Variants in ENOX1 observed in about 807,000 individuals in gnomAD.
ENOX1 encodes the protein ecto-NOX disulfide-thiol exchanger 1, also known as candidate growth-related and time keeping constitutive hydroquinone (NADH) oxidase.
Under a neutral mutation model 82.5 loss-of-function variants are expected in ENOX1, and 42 were observed. That is an observed-to-expected ratio of 0.51 (90% CI 0.40 to 0.66). ENOX1 has a LOEUF of 0.66. Ranked by LOEUF, ENOX1 falls within the 30% of genes least tolerant of loss-of-function variation. The probability of loss-of-function intolerance (pLI) is 0.00; values close to 1 mark genes in which losing one functional copy is unlikely to be tolerated. For synonymous variants in ENOX1, 271 were observed against 282.2 expected (o/e 0.96, Z 0.40); for missense variants, 608 against 811.6 (o/e 0.75, Z 3.05).
chr13:43,778,776 G>C (rs1157706886), intron 1 of ENOX1, among the ~76,000 whole-genome samples: 1 of 152,032 alleles, frequency 6.6e-6, no homozygotes, highest in Non-Finnish European at 1.5e-5. Flanking sequence ...TAAGATTATA[G>C]ATTATAGGCA....
In ENOX1 at chr13:43,344,581, G is replaced by A; in HGVS notation, c.993C>T (p.Ala331=). ...TTAAGGCATTTTTAAAATTCTCCTT[G>A]GCTTCCTCCATCTCTTGCTCATGGG... The part of the protein sequence containing the change: ...KATHEQEMEE[A]KENFKNALTG... The change falls in exon 9 of 17, where the codon GCC becomes GCT. Residue 331 remains alanine (A), a synonymous_variant. Transcript: ENST00000690772. The A allele has an allele frequency of 6.2e-7, 1 of 1,614,096 alleles. No homozygotes were observed. The highest frequency in any genetic ancestry group is 1.1e-5 in the South Asian group (1 of 91,066).
intron 8 of ENOX1, among the ~76,000 whole-genome samples, chr13:43,348,965 T>C (rs760682913): frequency 6.6e-6 from 1 of 151,662 alleles, no homozygotes; most frequent in Non-Finnish European, 1.5e-5. Context: ...GCATAGTATA[T>C]ATAGTGTTCA....
chr13:43,553,896 T>C (rs2079318323), intron 2 of ENOX1, among the ~76,000 whole-genome samples: 1 of 152,244 alleles, frequency 6.6e-6, no homozygotes, highest in South Asian at 2.1e-4. Flanking sequence ...TACAGGTGTG[T>C]TGTCACCACG....
intron 3 of ENOX1, among the ~76,000 whole-genome samples, chr13:43,444,253 G>T (rs2056509029): frequency 6.6e-6 from 1 of 152,178 alleles, no homozygotes; most frequent in South Asian, 2.1e-4. Context: ...TCAACTACAG[G>T]GTCTGCGAGG....
At chr13:43,534,301 T>C (rs1593679378) in intron 2 of ENOX1, among the ~76,000 whole-genome samples, 1 of 152,248 alleles carries the variant, frequency 6.6e-6, no homozygotes, top group East Asian at 1.9e-4. Context: ...TCAGTGTTGC[T>C]GGCAACTGCT....
intron 8 of ENOX1, among the ~76,000 whole-genome samples, chr13:43,347,881 G>A (rs906961657): frequency 5.3e-5 from 8 of 152,180 alleles, no homozygotes; most frequent in Non-Finnish European, 1.0e-4. Flanking sequence ...AATTGAGAAC[G>A]ATTGGTATAT....
Position 43,215,274 on chromosome 13 carries a change from T to C in ENOX1, c.1801-1153A>G, listed in dbSNP as rs539008955. The stretch of plus-strand genomic sequence containing the variant: ...GACACATTCAATATTCCTGGGCCTA[T>C]AATACAAAACTTTAGTTAAATAGAG... On this transcript the variant is annotated intron_variant, in intron 16 of 16. Transcript: ENST00000690772. Among the ~76,000 whole-genome samples the C allele has an allele frequency of 3.3e-5, 5 of 152,342 alleles. No homozygotes were observed. In the South Asian group the frequency reaches 6.2e-4, roughly 19 times the overall value.
intron 3 of ENOX1, among the ~76,000 whole-genome samples, chr13:43,428,969 A>G (rs1399587756): frequency 6.6e-6 from 1 of 152,212 alleles, no homozygotes; most frequent in Non-Finnish European, 1.5e-5. Flanking sequence ...TGCTGATTAG[A>G]ATCATCACCC....
chr13:43,336,112 T>G (rs2048694308), intron 9 of ENOX1, among the ~76,000 whole-genome samples: 1 of 152,200 alleles, frequency 6.6e-6, no homozygotes, highest in South Asian at 2.1e-4. Context: ...TGGGCAAACA[T>G]TTTAACACTT....
intron 16 of ENOX1, among the ~76,000 whole-genome samples, chr13:43,221,051 C>T (rs940231770): frequency 1.3e-5 from 2 of 152,234 alleles, no homozygotes; most frequent in Non-Finnish European, 2.9e-5. Flanking sequence ...AAATGTAACA[C>T]ATGCCCATGA....
intron 2 of ENOX1, among the ~76,000 whole-genome samples, chr13:43,498,748 G>T (rs1371290548): frequency 6.6e-6 from 1 of 152,020 alleles, no homozygotes; most frequent in South Asian, 2.1e-4. Flanking sequence ...ATTTAACAAG[G>T]AGCAGGACAG....
At position 43,269,580 on chromosome 13, in the gene ENOX1, G is replaced by A; in HGVS notation, c.1447-3C>T. On this transcript the variant is annotated splice_polypyrimidine_tract_variant and splice_region_variant and intron_variant, in intron 12 of 16. Transcript: ENST00000690772. ...TCCTCCTGGATGGTTAGCAATTGCT[G>A]TGAAATTAAAGGATATTTAGCATAA... 7 of 1,610,130 alleles carry A rather than the reference G, an allele frequency of 4.3e-6. No homozygotes were observed. Among genetic ancestry groups the A allele is most frequent in the Non-Finnish European group, 5.9e-6 (7 of 1,176,520 alleles).
At chr13:43,536,388 T>C (rs2153691321) in intron 2 of ENOX1, among the ~76,000 whole-genome samples, 1 of 152,358 alleles carries the variant, frequency 6.6e-6, no homozygotes, top group East Asian at 1.9e-4. Context: ...TTTAGAATTT[T>C]AGTCCTGTTT....
chr13:43,708,286 T>C (rs1022359127), intron 1 of ENOX1, among the ~76,000 whole-genome samples: 1 of 152,142 alleles, frequency 6.6e-6, no homozygotes, highest in Non-Finnish European at 1.5e-5. Context: ...GGACAGGCCA[T>C]TGCGCATGTC....
chr13:43,655,275 T>C (rs2084377914), intron 2 of ENOX1, among the ~76,000 whole-genome samples: 1 of 152,224 alleles, frequency 6.6e-6, no homozygotes, highest in African/African-American at 2.4e-5. Context: ...CATTCCATGA[T>C]TTTTAAGCTG....
At chr13:43,433,355 A>T (rs1394808070) in intron 3 of ENOX1, among the ~76,000 whole-genome samples, 1 of 152,146 alleles carries the variant, frequency 6.6e-6, no homozygotes, top group East Asian at 1.9e-4. Flanking sequence ...ACACCAAGCC[A>T]TTCATGAGGG....
At chr13:43,359,084 C>G (rs1212801809) in intron 7 of ENOX1, among the ~76,000 whole-genome samples, 1 of 152,132 alleles carries the variant, frequency 6.6e-6, no homozygotes, top group African/African-American at 2.4e-5. Flanking sequence ...TCCCCACCCC[C>G]ACCCGCTACT....
intron 9 of ENOX1, among the ~76,000 whole-genome samples, chr13:43,337,674 C>T (rs1304278879): frequency 6.6e-6 from 1 of 152,124 alleles, no homozygotes; most frequent in Admixed American, 6.5e-5. Context: ...GTGATGACAG[C>T]ACACCTCTTC....
intron 1 of ENOX1, among the ~76,000 whole-genome samples, chr13:43,754,305 ATG>A (rs1267359460): frequency 1.0e-5 from 1 of 95,836 alleles, no homozygotes; most frequent in African/African-American, 2.8e-5. Context: ...ATATGCGTGT[ATG>A]TATGTGTGTG....
Sources: gnomAD v4.1 joint callset for allele counts (sites outside exome capture counted in the v4.1 genomes callset) on GRCh38, gnomAD v4.1.1 for gene constraint, MANE v1.5 for transcripts, NCBI Gene and HGNC (gene_info 2026-07-23, HGNC 2026-07-21) for gene names.